The following SVIL variants were observed in gnomAD, a reference collection of about 807,000 sequenced individuals.
SVIL encodes archvillin.
A neutral mutation model predicts 240.4 loss-of-function variants in SVIL; 101 were observed. That is an observed-to-expected ratio of 0.42 (90% CI 0.36 to 0.50). SVIL has a LOEUF of 0.50. SVIL is among the 20% of genes least tolerant of loss of function. The pLI, the probability that SVIL is intolerant of heterozygous loss-of-function variation, is 0.01. For missense variants in SVIL, 2,512 were observed against 2,818.7 expected (o/e 0.89, Z 2.46); for synonymous variants, 999 against 1,100.0 (o/e 0.91, Z 1.82).
At chr10:29,672,052 A>G (rs1410013459) in intron 2 of SVIL, among the ~76,000 whole-genome samples, 2 of 152,210 alleles carry the variant, frequency 1.3e-5, no homozygotes, top group Admixed American at 6.5e-5. Flanking sequence ...AATGAAACCT[A>G]TAGGCTCCCT....
chr10:29,690,024 A>G (rs1023625434), intron 1 of SVIL, among the ~76,000 whole-genome samples: 2 of 151,270 alleles, frequency 1.3e-5, no homozygotes, highest in African/African-American at 4.8e-5. Context: ...AACTTTCTAC[A>G]GTGATTTTAG....
intron 2 of SVIL, among the ~76,000 whole-genome samples, chr10:29,662,776 C>T (rs532256357): frequency 7.7e-5 from 11 of 143,032 alleles, no homozygotes; most frequent in South Asian, 5.2e-4. Context: ...TATGTGCGCG[C>T]GTACACACAC....
At position 29,488,763 on chromosome 10, in the gene SVIL, A is replaced by G. The variant is rs554934819; in HGVS notation, c.4193-7T>C. ...AAGTTGGAGTTGGAAGACACTGGGC[A>G]CGTTGAATAAGGAAACACAACGCAG... On this transcript the variant is annotated splice_region_variant and splice_polypyrimidine_tract_variant and intron_variant, in intron 22 of 37. Transcript: ENST00000355867. 4.3e-6 allele frequency: 7 copies of G among 1,610,176 alleles called. No homozygotes were observed. Among genetic ancestry groups the G allele is most frequent in the Admixed American group, 3.4e-5 (2 of 59,198 alleles).
intron 1 of SVIL, among the ~76,000 whole-genome samples, chr10:29,573,051 C>G (rs1490793466): frequency 3.3e-5 from 5 of 151,362 alleles, no homozygotes; most frequent in Non-Finnish European, 5.9e-5. Flanking sequence ...TTTTCCTTTT[C>G]TCCTTTTTTT....
chr10:29,508,537 C>G lies in SVIL; in HGVS notation c.3516+4198G>C, dbSNP rs1026799669. ...ACAATAGGGTGATGTGAACCTCAGG[C>G]CAACTCATTCCGTGACCGCAGAATG... On this transcript the variant is annotated intron_variant, in intron 17 of 37. Transcript: ENST00000355867. The G allele has an allele frequency of 6.2e-6, 3 of 486,142 alleles. No homozygotes were observed. The East Asian group carries it at 2.1e-4, about 34-fold the overall frequency. 30.1% of individuals were successfully genotyped at this position (486,142 alleles called of 1,614,324 possible). A position where few individuals can be genotyped will look rare whatever the true frequency, so the allele number is the denominator to read the frequency against.
rs1481245225 is a variant in SVIL at position 29,550,739 on chromosome 10, T to C, written c.685A>G (p.Thr229Ala). The C allele has an allele frequency of 1.1e-5, 18 of 1,613,888 alleles. No homozygotes were observed. The highest frequency in any genetic ancestry group is 1.4e-5 in the Non-Finnish European group (17 of 1,179,994). Residue 229 changes from threonine (T) to alanine (A), a missense_variant, in exon 6 of 38, where the codon ACC becomes GCC. Coordinates refer to ENST00000355867, the MANE Select transcript of SVIL (RefSeq NM_021738.3). Reference protein sequence around the residue: ...DLSPAAESSSTFSFSGRDSSF... With the variant: ...DLSPAAESSSAFSFSGRDSSF... ...GAGTCTCGCCCAGAGAAAGAGAAGG[T>C]CGAGGAACTCTCGGCTGCTGGGGAC...
At chr10:29,724,009 T>A (rs1964136942) in intron 1 of SVIL, among the ~76,000 whole-genome samples, 1 of 152,126 alleles carries the variant, frequency 6.6e-6, no homozygotes, top group African/African-American at 2.4e-5. Context: ...TTAGAGAGAC[T>A]TGGGTATGGG....
At chr10:29,715,975 G>A (rs574127135) in intron 1 of SVIL, among the ~76,000 whole-genome samples, 3 of 152,324 alleles carry the variant, frequency 2.0e-5, no homozygotes, top group Non-Finnish European at 4.4e-5. Flanking sequence ...TGTAAAAACT[G>A]AAGCAATGTA....
At chr10:29,458,383 G>A (rs905484180) in intron 37 of SVIL, 50 bp from the exon 38 acceptor site, 9 of 1,611,350 alleles carry the variant, frequency 5.6e-6, no homozygotes, top group African/African-American at 4.0e-5. Context: ...GGAGCCGGGC[G>A]TGCGTGTGTT....
At chr10:29,729,646 C>T (rs1463921572) in intron 1 of SVIL, among the ~76,000 whole-genome samples, 4 of 100,076 alleles carry the variant, frequency 4.0e-5, no homozygotes, top group Non-Finnish European at 6.0e-5. Context: ...CCAGCCTGGC[C>T]AACATAGTGA....
At chr10:29,602,595 C>CA (rs766460612) in intron 1 of SVIL, among the ~76,000 whole-genome samples, 1 of 152,214 alleles carries the variant, frequency 6.6e-6, no homozygotes, top group Non-Finnish European at 1.5e-5. Flanking sequence ...CAATCATGTA[C>CA]ATTTGTAAAC....
chr10:29,511,915 G>A (rs1225663648), intron 17 of SVIL, among the ~76,000 whole-genome samples: 13 of 152,300 alleles, frequency 8.5e-5, no homozygotes, highest in Admixed American at 7.2e-4. Flanking sequence ...ACTTATTTTA[G>A]AGCTAGAAGG....
intron 1 of SVIL, among the ~76,000 whole-genome samples, chr10:29,697,252 C>T (rs1261245210): frequency 3.9e-4 from 26 of 66,620 alleles, no homozygotes; most frequent in African/African-American, 5.7e-4. Context: ...GGCGCCTCTG[C>T]CCGGCCGCCC....
intron 1 of SVIL, among the ~76,000 whole-genome samples, chr10:29,611,122 C>T (rs577410061): frequency 7.9e-5 from 12 of 152,170 alleles, no homozygotes; most frequent in Admixed American, 2.6e-4. Flanking sequence ...AGAGGAATGT[C>T]GCCCCCTCCT....
At chr10:29,729,867 A>T (rs895431038) in intron 1 of SVIL, among the ~76,000 whole-genome samples, 1 of 148,772 alleles carries the variant, frequency 6.7e-6, no homozygotes, top group African/African-American at 2.5e-5. Context: ...AAAAGGTGGC[A>T]ATTGCTCTTG....
At chr10:29,568,024 A>C (rs1955121982) in intron 2 of SVIL, among the ~76,000 whole-genome samples, 1 of 129,994 alleles carries the variant, frequency 7.7e-6, no homozygotes, top group Non-Finnish European at 1.7e-5. Context: ...CTCAAAAAAA[A>C]AAACAAAAAA....
Position 29,487,274 on chromosome 10 carries a change from C to A in SVIL, c.4374G>T (p.Leu1458=), listed in dbSNP as rs1300203284. Residue 1458 remains leucine (L), a synonymous_variant, in exon 24 of 38, where the codon CTG becomes CTT. Coordinates refer to ENST00000355867, the MANE Select transcript of SVIL (RefSeq NM_021738.3). ...TGAGCGCCGAAGCTCGAGGTTCCAC[C>A]AGCCTGGTCTGCACATGTCTTCTTC... is the stretch of plus-strand genomic sequence containing the variant. ...IKGRRHVQTR[L]VEPRASALNS... The A allele has an allele frequency of 2.5e-6, 4 of 1,614,064 alleles. No individual in the cohort carries two copies. The highest frequency in any genetic ancestry group is 1.3e-5 in the African/African-American group (1 of 74,932).
At chr10:29,670,755 A>C (rs1249851317) in intron 2 of SVIL, among the ~76,000 whole-genome samples, 1 of 152,254 alleles carries the variant, frequency 6.6e-6, no homozygotes, top group Non-Finnish European at 1.5e-5. Context: ...GTTAGAGTGA[A>C]GTGCAGTGGC....
chr10:29,642,413 G>C (rs1383048782), intron 3 of SVIL, among the ~76,000 whole-genome samples: 2 of 132,588 alleles, frequency 1.5e-5, no homozygotes, highest in Non-Finnish European at 3.2e-5. Context: ...GAAAGAGAGA[G>C]AGTGAGAAAG....
Sources: allele counts gnomAD v4.1 joint callset (sites outside exome capture counted in the v4.1 genomes callset), GRCh38; gene constraint gnomAD v4.1.1; transcripts MANE v1.5; gene names NCBI Gene and HGNC (gene_info 2026-07-23, HGNC 2026-07-21).